Variants in MBD5 observed in about 807,000 individuals in gnomAD.
MBD5 encodes methyl-CpG binding domain protein 5.
In MBD5, 13 loss-of-function variants were observed where a neutral mutation model predicts 117.3. The ratio of observed to expected loss-of-function variants is 0.11; its 90% CI spans 0.07 to 0.18. The LOEUF is 0.18. Among genes scored for constraint, MBD5 ranks in the 10% least tolerant of loss-of-function variants. The pLI, the probability that MBD5 is intolerant of heterozygous loss-of-function variation, is 1.00. For missense variants in MBD5, 1,879 were observed against 2,093.8 expected (o/e 0.90, Z 2.00); for synonymous variants, 727 against 766.4 (o/e 0.95, Z 0.85).
At chr2:148,188,905 G>A (rs936277956) in intron 2 of MBD5, among the ~76,000 whole-genome samples, 33 of 151,742 alleles carry the variant, frequency 2.2e-4, no homozygotes, top group African/African-American at 5.1e-4. Flanking sequence ...TGTGCGCACC[G>A]TGCGCGAGCC....
rs913525562 is a variant in MBD5, at chr2:148,514,570, G to C, written c.*1629G>C. 2 of 152,284 alleles carry C rather than the reference G, an allele frequency of 1.3e-5. No individual in the cohort carries two copies. The highest frequency in any genetic ancestry group is 4.8e-5 in the African/African-American group (2 of 41,430). 9.4% of individuals were successfully genotyped at this position (152,284 alleles called of 1,614,324 possible). A position where few individuals can be genotyped will look rare whatever the true frequency, so the allele number is the denominator to read the frequency against. On this transcript the variant is annotated 3_prime_UTR_variant, in exon 14 of 14. Transcript: ENST00000642680. ...TAGCCTGGGGCTCACACAACAGTCTGCCACTCAGGCTGCTAGGAGATTCTC... is the reference window on the plus strand; with the variant it reads ...TAGCCTGGGGCTCACACAACAGTCTCCCACTCAGGCTGCTAGGAGATTCTC...
At chr2:148,071,431 C>A (rs1445717858) in intron 1 of MBD5, 1 of 151,684 alleles carries the variant, frequency 6.6e-6, no homozygotes, top group African/African-American at 2.4e-5. Flanking sequence ...TCATTTAATC[C>A]TTCTAATAAT....
At chr2:148,428,157 C>CA (rs1329328772) in intron 4 of MBD5, among the ~76,000 whole-genome samples, 1 of 152,168 alleles carries the variant, frequency 6.6e-6, no homozygotes, top group African/African-American at 2.4e-5. Context: ...TCTCCGGATA[C>CA]AAAATCAATG....
At chr2:148,436,137 T>G (rs1425867164) in intron 4 of MBD5, among the ~76,000 whole-genome samples, 2 of 152,182 alleles carry the variant, frequency 1.3e-5, no homozygotes, top group Non-Finnish European at 2.9e-5. Flanking sequence ...GATACCAAGC[T>G]GTTTTTAGCT....
intron 1 of MBD5, among the ~76,000 whole-genome samples, chr2:148,133,954 C>G (rs1260911669): frequency 2.2e-4 from 34 of 151,910 alleles, no homozygotes; most frequent in Admixed American, 2.2e-3. Flanking sequence ...AGTTACTGTT[C>G]AAAACTAACA....
intron 3 of MBD5, among the ~76,000 whole-genome samples, chr2:148,241,655 T>C (rs1391459854): frequency 1.3e-5 from 2 of 152,158 alleles, no homozygotes; most frequent in Non-Finnish European, 2.9e-5. Flanking sequence ...AATTCTGGCC[T>C]CTGATACTTC....
At chr2:148,249,786 G>T (rs1004516267) in intron 3 of MBD5, among the ~76,000 whole-genome samples, 1 of 151,968 alleles carries the variant, frequency 6.6e-6, no homozygotes, top group Non-Finnish European at 1.5e-5. Flanking sequence ...TAAATCAGTG[G>T]TTCTCATCCA....
intron 4 of MBD5, among the ~76,000 whole-genome samples, chr2:148,407,132 C>T (rs889111261): frequency 1.8e-4 from 27 of 152,108 alleles, no homozygotes; most frequent in African/African-American, 6.5e-4. Flanking sequence ...TCCTCATCAT[C>T]CAAATACTAC....
intron 1 of MBD5, among the ~76,000 whole-genome samples, chr2:148,064,128 CT>C (rs35256354): frequency 2.2e-3 from 174 of 78,110 alleles, no homozygotes; most frequent in Non-Finnish European, 3.4e-3. Flanking sequence ...TGTCTTTTTT[CT>C]TTTTTTTTTT....
intron 4 of MBD5, among the ~76,000 whole-genome samples, chr2:148,441,948 G>A (rs540251315): frequency 0.011 from 1,655 of 152,190 alleles, 14 homozygotes; most frequent in African/African-American, 0.035. Flanking sequence ...CTTGTTAATA[G>A]TGTTGTTTGT....
chr2:148,073,701 TGA>T (rs1423217186), intron 1 of MBD5, among the ~76,000 whole-genome samples: 3 of 152,170 alleles, frequency 2.0e-5, no homozygotes, highest in Admixed American at 6.5e-5. Flanking sequence ...AACAACCCCA[TGA>T]GAGAGGTACT....
intron 4 of MBD5, among the ~76,000 whole-genome samples, chr2:148,452,202 A>AATACACATTTAAGCC (rs1404045864): frequency 2.0e-5 from 3 of 152,198 alleles, no homozygotes; most frequent in Non-Finnish European, 4.4e-5. Flanking sequence ...TAACTTTAAA[A>AATACACATTTAAGCC]ATACACATTT....
At chr2:148,227,953 T>G (rs1442554701) in intron 2 of MBD5, among the ~76,000 whole-genome samples, 1 of 152,228 alleles carries the variant, frequency 6.6e-6, no homozygotes, top group African/African-American at 2.4e-5. Flanking sequence ...TTTTTGCACA[T>G]TGACTTTGTA....
At chr2:148,471,959 T>A (rs1413251915) in intron 8 of MBD5, 1 of 152,094 alleles carries the variant, frequency 6.6e-6, no homozygotes, top group East Asian at 1.9e-4. Context: ...TACACCATAT[T>A]TATTGAGCAT....
At chr2:148,345,448 CATACACAT>C (rs369233314) in intron 4 of MBD5, among the ~76,000 whole-genome samples, 5,699 of 44,860 alleles carry the variant, frequency 0.13, 407 homozygotes, top group African/African-American at 0.2. Flanking sequence ...TGTATATACA[CATACACAT>C]ATACATATGT....
At chr2:148,395,919 T>C (rs905427151) in intron 4 of MBD5, among the ~76,000 whole-genome samples, 3 of 152,198 alleles carry the variant, frequency 2.0e-5, no homozygotes, top group African/African-American at 7.2e-5. Flanking sequence ...CCAGTTCTTA[T>C]ACATTCAGTT....
Position 148,190,975 on chromosome 2 carries a change from G to C in MBD5, c.-831+12182G>C, listed in dbSNP as rs542096440. Among the ~76,000 whole-genome samples the C allele has an allele frequency of 6.3e-3, 941 of 149,420 alleles. 7 individuals carry two copies. Among genetic ancestry groups the C allele is most frequent in the Non-Finnish European group, 0.01 (703 of 67,588 alleles). Reference sequence around the variant, plus strand: ...TGCAATCCTAGTCTCTGATAAAACAGACTTTAAACCAACACAGATCAAAAA... The same window carrying C: ...TGCAATCCTAGTCTCTGATAAAACACACTTTAAACCAACACAGATCAAAAA... On this transcript the variant is annotated intron_variant, in intron 2 of 13. Transcript: ENST00000642680.
chr2:148,356,353 AT>A (rs1349683382), intron 4 of MBD5, among the ~76,000 whole-genome samples: 1 of 151,546 alleles, frequency 6.6e-6, no homozygotes, highest in South Asian at 2.1e-4. Flanking sequence ...TGGTTTCCTT[AT>A]TTTTTTTCTT....
At chr2:148,426,667 A>G (rs1436643304) in intron 4 of MBD5, among the ~76,000 whole-genome samples, 2 of 152,198 alleles carry the variant, frequency 1.3e-5, no homozygotes, top group Non-Finnish European at 2.9e-5. Flanking sequence ...TGGATTAAAG[A>G]CTTACATGTT....
Sources: gnomAD v4.1 joint callset for allele counts (sites outside exome capture counted in the v4.1 genomes callset) on GRCh38, gnomAD v4.1.1 for gene constraint, MANE v1.5 for transcripts, NCBI Gene and HGNC (gene_info 2026-07-23, HGNC 2026-07-21) for gene names.